LRBA: variants seen among roughly 807,000 people sequenced by gnomAD.
The protein encoded by LRBA is lipopolysaccharide-responsive and beige-like anchor protein.
Under a neutral mutation model 330.0 loss-of-function variants are expected in LRBA, and 176 were observed. The observed-to-expected ratio is 0.53, with a 90% CI of 0.47 to 0.60. The LOEUF (loss-of-function observed/expected upper bound fraction) is 0.60, where lower values mean the gene tolerates loss of function less well. Ranked by LOEUF, LRBA falls within the 20% of genes least tolerant of loss-of-function variation. The probability of loss-of-function intolerance (pLI) is 0.00; values close to 1 mark genes in which losing one functional copy is unlikely to be tolerated. For missense variants in LRBA, 3,259 were observed against 3,444.8 expected, an observed-to-expected ratio of 0.95 and a Z score of 1.35; for synonymous variants, 1,230 against 1,193.0, an observed-to-expected ratio of 1.03 and a Z score of -0.64.
chr4:150,793,758 G>A (rs1352410225), intron 34 of LRBA, among the ~76,000 whole-genome samples: 2 of 152,098 alleles, frequency 1.3e-5, no homozygotes, highest in South Asian at 4.1e-4. Context: ...GGAAGAGAGG[G>A]TAAAGGAAAT....
chr4:150,274,165 C>T (rs7691260), intron 56 of LRBA, among the ~76,000 whole-genome samples: 90,973 of 152,040 alleles, frequency 0.6, 28,365 homozygotes, highest in South Asian at 0.82. Context: ...CACTCAAAAC[C>T]GCACAACTAC....
chr4:150,944,691 G>C (rs1736052533), intron 2 of LRBA, among the ~76,000 whole-genome samples: 1 of 152,172 alleles, frequency 6.6e-6, no homozygotes, highest in Non-Finnish European at 1.5e-5. Flanking sequence ...AAGAGAAAAA[G>C]CAGTGAAAAA....
intron 2 of LRBA, among the ~76,000 whole-genome samples, chr4:150,937,130 C>T (rs968722422): frequency 2.0e-5 from 3 of 151,980 alleles, no homozygotes; most frequent in African/African-American, 7.2e-5. Context: ...TCCTCCATTG[C>T]TTTAAATACT....
At chr4:150,373,204 T>A (rs1030068494) in intron 47 of LRBA, among the ~76,000 whole-genome samples, 2 of 136,954 alleles carry the variant, frequency 1.5e-5, no homozygotes, top group African/African-American at 2.8e-5. Context: ...AGAGAGAGAC[T>A]ATGACCCAGA....
chr4:150,981,142 A>G (rs951875513), intron 2 of LRBA, among the ~76,000 whole-genome samples: 1 of 151,838 alleles, frequency 6.6e-6, no homozygotes, highest in Non-Finnish European at 1.5e-5. Flanking sequence ...AGCTCGGCGC[A>G]GTGGCTCACG....
intron 40 of LRBA, among the ~76,000 whole-genome samples, chr4:150,575,022 A>G (rs1300189878): frequency 6.6e-6 from 1 of 152,022 alleles, no homozygotes; most frequent in Non-Finnish European, 1.5e-5. Context: ...CTAATTACCT[A>G]TATACCAAAT....
At chr4:150,889,906 C>T (rs1047128556) in intron 17 of LRBA, among the ~76,000 whole-genome samples, 3 of 151,714 alleles carry the variant, frequency 2.0e-5, no homozygotes, top group African/African-American at 7.3e-5. Flanking sequence ...AATGACAGTG[C>T]CACAACAAAA....
At chr4:150,738,761 C>A (rs950826042) in intron 35 of LRBA, among the ~76,000 whole-genome samples, 2 of 151,808 alleles carry the variant, frequency 1.3e-5, no homozygotes, top group Non-Finnish European at 2.9e-5. Context: ...ATACTACAAT[C>A]TCTGGGTAAC....
At chr4:150,905,625 A>T (rs915508030) in intron 13 of LRBA, among the ~76,000 whole-genome samples, 11 of 152,052 alleles carry the variant, frequency 7.2e-5, no homozygotes, top group African/African-American at 2.4e-4. Flanking sequence ...CTTTGTATGT[A>T]TGTATATATT....
intron 46 of LRBA, among the ~76,000 whole-genome samples, chr4:150,433,224 A>C (rs938366525): frequency 6.6e-6 from 1 of 152,160 alleles, no homozygotes; most frequent in African/African-American, 2.4e-5. Context: ...AAAGAAGACC[A>C]TGTGATTTCT....
intron 47 of LRBA, among the ~76,000 whole-genome samples, chr4:150,393,472 C>T (rs570507980): frequency 5.3e-4 from 80 of 151,484 alleles, no homozygotes; most frequent in African/African-American, 1.7e-3. Context: ...CCTCTTCCCT[C>T]CCTTTCCCTC....
chr4:150,863,944 T>C (rs924968712), intron 22 of LRBA, among the ~76,000 whole-genome samples: 5 of 152,084 alleles, frequency 3.3e-5, no homozygotes, highest in African/African-American at 9.7e-5. Flanking sequence ...TATTTATTTA[T>C]TTATTTTATT....
intron 30 of LRBA, among the ~76,000 whole-genome samples, chr4:150,827,019 C>CA (rs1746379245): frequency 6.6e-6 from 1 of 151,986 alleles, no homozygotes; most frequent in Admixed American, 6.6e-5. Flanking sequence ...ATAGATATGA[C>CA]AAAAAGGTGA....
At chr4:150,737,903 C>T (rs1731422136) in intron 35 of LRBA, among the ~76,000 whole-genome samples, 1 of 151,530 alleles carries the variant, frequency 6.6e-6, no homozygotes, top group East Asian at 1.9e-4. Context: ...CCCTTCATTA[C>T]TTCACTTTTA....
At chr4:150,710,442 G>A in intron 36 of LRBA, among the ~76,000 whole-genome samples, 1 of 151,852 alleles carries the variant, frequency 6.6e-6, no homozygotes, top group East Asian at 1.9e-4. Flanking sequence ...GCTCGGAAAA[G>A]AAGTCACAAA....
At position 150,882,310 on chromosome 4, in the gene LRBA, T is replaced by C. The variant is rs539692536; in HGVS notation, c.2166-9555A>G. 4.6e-5 allele frequency among the ~76,000 whole-genome samples: 7 copies of C among 152,318 alleles called. 1 individual carries two copies. In the East Asian group the frequency reaches 5.8e-4, roughly 13 times the overall value. On this transcript the variant is annotated intron_variant, in intron 17 of 56. Coordinates refer to ENST00000651943, the MANE Select transcript of LRBA (RefSeq NM_001364905.1). Reference sequence around the variant, plus strand: ...ATCTGCTAAACATCAGCAGTAAATTTTGTAAAAGTTAAATGGGCCTATTTT... The same window carrying C: ...ATCTGCTAAACATCAGCAGTAAATTCTGTAAAAGTTAAATGGGCCTATTTT...
intron 36 of LRBA, among the ~76,000 whole-genome samples, chr4:150,684,867 C>T (rs570606185): frequency 2.0e-5 from 3 of 152,180 alleles, no homozygotes; most frequent in Admixed American, 6.5e-5. Flanking sequence ...ATACCAGTTT[C>T]GATAGATTGC....
intron 36 of LRBA, among the ~76,000 whole-genome samples, chr4:150,719,606 T>C (rs572329507): frequency 5.6e-4 from 85 of 152,252 alleles, no homozygotes; most frequent in African/African-American, 1.9e-3. Flanking sequence ...AAACTGGTTC[T>C]AGAACTGAGG....
At chr4:150,851,828 C>T (rs1750650752) in intron 23 of LRBA, 57 bp downstream of exon 23, 13 of 1,465,344 alleles carry the variant, frequency 8.9e-6, no homozygotes, top group Non-Finnish European at 1.2e-5. Flanking sequence ...AGTATATACA[C>T]TTGCTCTTTT....
Sources: allele counts gnomAD v4.1 joint callset (sites outside exome capture counted in the v4.1 genomes callset), GRCh38; gene constraint gnomAD v4.1.1; transcripts MANE v1.5; gene names NCBI Gene and HGNC (gene_info 2026-07-23, HGNC 2026-07-21).